Variants in ASCC3 observed in about 807,000 individuals in gnomAD.
ASCC3 encodes the protein ASC-1 complex subunit P200.
Under a neutral mutation model 256.3 loss-of-function variants are expected in ASCC3, and 158 were observed. That is an observed-to-expected ratio of 0.62 (90% confidence interval 0.54 to 0.70). The LOEUF (loss-of-function observed/expected upper bound fraction) is 0.70, where lower values mean the gene tolerates loss of function less well. Among genes scored for constraint, ASCC3 ranks in the 30% least tolerant of loss-of-function variants. The pLI, the probability that ASCC3 is intolerant of heterozygous loss-of-function variation, is 0.00. For missense variants in ASCC3, 2,259 were observed against 2,626.0 expected (o/e 0.86, Z 3.05); for synonymous variants, 948 against 883.4 (o/e 1.07, Z -1.30).
intron 22 of ASCC3, among the ~76,000 whole-genome samples, chr6:100,645,289 T>G (rs1324646111): frequency 6.6e-6 from 1 of 152,026 alleles, no homozygotes; most frequent in Non-Finnish European, 1.5e-5. Flanking sequence ...AAACTTTATA[T>G]CTATAGAAAT....
chr6:100,540,069 G>T, intron 37 of ASCC3, 94 bp downstream of exon 37: 1 of 1,158,072 alleles, frequency 8.6e-7, no homozygotes, highest in Non-Finnish European at 1.3e-6. Context: ...CCATAAAGTT[G>T]TTAAATGCAA....
chr6:100,580,408 G>A (rs1771155274), intron 36 of ASCC3, among the ~76,000 whole-genome samples: 1 of 151,844 alleles, frequency 6.6e-6, no homozygotes, highest in Admixed American at 6.6e-5. Context: ...ATGTTTTGAT[G>A]ATAATTGAAG....
At chr6:100,747,192 A>C (rs1211962706) in intron 10 of ASCC3, among the ~76,000 whole-genome samples, 1 of 152,118 alleles carries the variant, frequency 6.6e-6, no homozygotes, top group Non-Finnish European at 1.5e-5. Context: ...GGAAATACAA[A>C]TGAAAATAAC....
At chr6:100,557,766 G>A (rs551101074) in intron 36 of ASCC3, among the ~76,000 whole-genome samples, 39 of 152,128 alleles carry the variant, frequency 2.6e-4, no homozygotes, top group African/African-American at 6.7e-4. Flanking sequence ...TAGTTAGAAA[G>A]AATAAGACCT....
intron 36 of ASCC3, among the ~76,000 whole-genome samples, chr6:100,572,619 T>C (rs979439723): frequency 1.3e-5 from 2 of 152,146 alleles, no homozygotes; most frequent in Admixed American, 1.3e-4. Context: ...GTATTATATA[T>C]AAAACAAGAT....
chr6:100,632,621 A>G (rs186161733), intron 25 of ASCC3, among the ~76,000 whole-genome samples: 12 of 152,282 alleles, frequency 7.9e-5, no homozygotes, highest in Admixed American at 2.6e-4. Context: ...CCTGACATAA[A>G]AAGAGGCACA....
intron 10 of ASCC3, among the ~76,000 whole-genome samples, chr6:100,762,114 T>C (rs986213527): frequency 6.6e-6 from 1 of 152,200 alleles, no homozygotes; most frequent in Non-Finnish European, 1.5e-5. Context: ...AATTCAGATT[T>C]GCCTTTGCAA....
chr6:100,767,992 G>A (rs1781743652), intron 8 of ASCC3, among the ~76,000 whole-genome samples: 1 of 151,882 alleles, frequency 6.6e-6, no homozygotes, highest in African/African-American at 2.4e-5. Flanking sequence ...TATTTTTTGA[G>A]TTCATATTCA....
At chr6:100,706,297 T>A (rs1358004130) in intron 13 of ASCC3, among the ~76,000 whole-genome samples, 1 of 151,342 alleles carries the variant, frequency 6.6e-6, no homozygotes, top group Non-Finnish European at 1.5e-5. Context: ...AGACAGCTAG[T>A]GACTGGGATA....
chr6:100,725,650 C>G lies in ASCC3; in HGVS notation c.1791G>C (p.Gly597=). Residue 597 remains glycine, a synonymous_variant, in exon 11 of 42, where the codon GGG becomes GGC. Transcript: ENST00000369162. ...TTACAATCTGGGAAAGAGCTACATCCCCAACACTCTTTCTTGTCACTACAT... is the reference window on the plus strand; with the variant it reads ...TTACAATCTGGGAAAGAGCTACATCGCCAACACTCTTTCTTGTCACTACAT... ...KWDVVTRKSV[G]DVALSQIVRL... is the part of the protein sequence containing the mutation. 6.2e-7 allele frequency: 1 copy of G among 1,612,546 alleles called. No individual in the cohort carries two copies.
chr6:100,802,863 C>T (rs1769987672), intron 5 of ASCC3, among the ~76,000 whole-genome samples: 1 of 151,530 alleles, frequency 6.6e-6, no homozygotes, highest in Non-Finnish European at 1.5e-5. Context: ...TTTTAATTAA[C>T]CAGGCATGGT....
chr6:100,829,137 C>A (rs954286147), intron 4 of ASCC3, among the ~76,000 whole-genome samples: 2 of 152,128 alleles, frequency 1.3e-5, no homozygotes, highest in African/African-American at 4.8e-5. Context: ...TCTCCAAGTC[C>A]CCACCAGACT....
At chr6:100,698,676 A>C (rs928758377) in intron 13 of ASCC3, among the ~76,000 whole-genome samples, 3 of 152,290 alleles carry the variant, frequency 2.0e-5, no homozygotes, top group Non-Finnish European at 4.4e-5. Context: ...ATTTACATAA[A>C]AAATGTTTTT....
intron 11 of ASCC3, among the ~76,000 whole-genome samples, chr6:100,722,665 C>CGG (rs1562250095): frequency 2.6e-5 from 4 of 151,672 alleles, no homozygotes; most frequent in African/African-American, 9.7e-5. Context: ...TGAATAAAAA[C>CGG]ATAAATATAC....
At chr6:100,800,974 A>C (rs1205709620) in intron 5 of ASCC3, among the ~76,000 whole-genome samples, 1 of 152,062 alleles carries the variant, frequency 6.6e-6, no homozygotes, top group Non-Finnish European at 1.5e-5. Flanking sequence ...CTACTTAGTT[A>C]TTTATAGATT....
At chr6:100,673,150 T>C (rs1776834738) in intron 14 of ASCC3, among the ~76,000 whole-genome samples, 1 of 152,092 alleles carries the variant, frequency 6.6e-6, no homozygotes, top group South Asian at 2.1e-4. Context: ...GTCCTGACTA[T>C]TAATAGAAAT....
intron 37 of ASCC3, among the ~76,000 whole-genome samples, chr6:100,521,351 T>C (rs559853492): frequency 1.3e-5 from 2 of 152,222 alleles, no homozygotes; most frequent in African/African-American, 2.4e-5. Flanking sequence ...AAAGAAATCA[T>C]ACGCTGAGGT....
chr6:100,528,810 C>G (rs1057207754), intron 37 of ASCC3, among the ~76,000 whole-genome samples: 2 of 152,150 alleles, frequency 1.3e-5, no homozygotes, highest in African/African-American at 4.8e-5. Flanking sequence ...TTCAAAGCAG[C>G]TGTGCTGGCT....
At chr6:100,582,852 T>G (rs1771384777) in intron 36 of ASCC3, among the ~76,000 whole-genome samples, 1 of 152,144 alleles carries the variant, frequency 6.6e-6, no homozygotes, top group Non-Finnish European at 1.5e-5. Context: ...AATCATGTGG[T>G]TTTTGTCTTT....
Sources: allele counts gnomAD v4.1 joint callset (sites outside exome capture counted in the v4.1 genomes callset), GRCh38; gene constraint gnomAD v4.1.1; transcripts MANE v1.5; gene names NCBI Gene and HGNC (gene_info 2026-07-23, HGNC 2026-07-21).